Variants in PFKM observed in about 807,000 individuals in gnomAD.
PFKM encodes the protein ATP-dependent 6-phosphofructokinase, muscle type.
Under a neutral mutation model 95.5 loss-of-function variants are expected in PFKM, and 58 were observed. The observed-to-expected ratio is 0.61, with a 90% CI of 0.49 to 0.76. The LOEUF (loss-of-function observed/expected upper bound fraction) is 0.76. PFKM is among the 30% of genes least tolerant of loss of function. PFKM has a pLI of 0.00. For missense variants in PFKM, 678 were observed against 1,005.4 expected (o/e 0.67, Z 4.40); for synonymous variants, 336 against 357.2 (o/e 0.94, Z 0.67).
intron 1 of PFKM, chr12:48,106,212 T>C: frequency 1.5e-6 from 1 of 665,238 alleles, no homozygotes; most frequent in Non-Finnish European, 2.8e-6. Flanking sequence ...CTGCGCGGTG[T>C]GGCGAGGCCC....
At chr12:48,125,161 C>T (rs1454860909) in intron 2 of PFKM, among the ~76,000 whole-genome samples, 3 of 152,210 alleles carry the variant, frequency 2.0e-5, no homozygotes, top group African/African-American at 7.2e-5. Context: ...CCTTTCCAGC[C>T]TAGGAATGGC....
At chr12:48,108,917 C>T (rs1158642422) in intron 3 of PFKM, among the ~76,000 whole-genome samples, 1 of 152,172 alleles carries the variant, frequency 6.6e-6, no homozygotes, top group Non-Finnish European at 1.5e-5. Flanking sequence ...CTTATATTTT[C>T]AGAAGGAACT....
At position 48,106,210 on chromosome 12, in the gene PFKM, T is replaced by G. The variant is rs1378247089; in HGVS notation, c.-10+73T>G. 3 of 670,944 alleles carry G rather than the reference T, an allele frequency of 4.5e-6. No individual in the cohort carries two copies. The African/African-American group carries it at 5.3e-5, about 12-fold the overall frequency. 41.6% of individuals were successfully genotyped at this position (670,944 alleles called of 1,614,324 possible). On this transcript the variant is annotated intron_variant, in intron 1 of 24. Transcript: ENST00000340802. ...AAGGACCAGTGGGGCGCCTGCGCGG[T>G]GTGGCGAGGCCCGAGAAGCGAAGGG...
chr12:48,135,060 G>C (rs1949942253), intron 9 of PFKM, 22 bp downstream of exon 9: 1 of 1,556,964 alleles, frequency 6.4e-7, no homozygotes. Flanking sequence ...TGAAGCCAGA[G>C]AGGCCTTAGA....
At chr12:48,134,394 T>G (rs1268930786) in intron 7 of PFKM, 118 bp downstream of exon 7, 5 of 882,018 alleles carry the variant, frequency 5.7e-6, no homozygotes, top group Non-Finnish European at 5.8e-6. Flanking sequence ...ACATGCTCCT[T>G]GTGGTGTGGT....
intron 2 of PFKM, chr12:48,107,562 T>G: frequency 1.4e-6 from 1 of 716,374 alleles, no homozygotes; most frequent in Non-Finnish European, 2.5e-6. Flanking sequence ...ATTTTAGGGG[T>G]CAACTGACCT....
chr12:48,123,393 A>G (rs1294759620), intron 2 of PFKM, among the ~76,000 whole-genome samples: 2 of 152,192 alleles, frequency 1.3e-5, no homozygotes, highest in Non-Finnish European at 1.5e-5. Flanking sequence ...CAGTTAATCA[A>G]TACAGATCCG....
At chr12:48,139,399 C>A in intron 12 of PFKM, 50 bp downstream of exon 12, 1 of 1,446,416 alleles carries the variant, frequency 6.9e-7, no homozygotes, top group Non-Finnish European at 9.7e-7. Flanking sequence ...GAGGCGTGAA[C>A]GAAGCCAAAG....
At chr12:48,118,906 C>T (rs1476023462), upstream of PFKM, among the ~76,000 whole-genome samples, 2 of 151,940 alleles carry the variant, frequency 1.3e-5, no homozygotes, top group Non-Finnish European at 1.5e-5. Context: ...TTAAACCTCT[C>T]GGCACCTAAT....
chr12:48,132,833 T>G, intron 4 of PFKM, 35 bp from the exon 5 acceptor site: 1 of 1,567,678 alleles, frequency 6.4e-7, no homozygotes, highest in Non-Finnish European at 8.7e-7. Flanking sequence ...TGTTGAGCCC[T>G]GTCTCTGGGG....
chr12:48,108,286 C>CTAAATA, intron 3 of PFKM: 1 of 1,158,992 alleles, frequency 8.6e-7, no homozygotes, highest in Non-Finnish European at 1.2e-6. Flanking sequence ...CGTAGACCTA[C>CTAAATA]TAAAGCTGAA....
intron 17 of PFKM, 46 bp from the exon 18 acceptor site, chr12:48,142,736 A>G: frequency 6.5e-7 from 1 of 1,541,650 alleles, no homozygotes; most frequent in African/African-American, 1.4e-5. Flanking sequence ...GATAAGAATC[A>G]GGCCCCTGAT....
At chr12:48,136,231 T>C (rs1950077505) in intron 10 of PFKM, among the ~76,000 whole-genome samples, 1 of 152,182 alleles carries the variant, frequency 6.6e-6, no homozygotes, top group African/African-American at 2.4e-5. Context: ...ATCTGTCTCT[T>C]TGTCTGTAAT....
Position 48,142,025 on chromosome 12 carries a change from T to G in PFKM, c.1612T>G (p.Phe538Val). The change falls in exon 17 of 23, where the codon TTC becomes GTC. Residue 538 changes from phenylalanine (F) to valine (V), a missense_variant. By Grantham distance (50) the Phe-to-Val change is conservative. Coordinates refer to ENST00000359794, the MANE Select transcript of PFKM (RefSeq NM_000289.6). ...CTCCAACAATGTCCCTGGCTCAGAC[T>G]TCAGCGTTGGGGCTGACACAGCACT... Reference protein sequence around the residue: ...TVSNNVPGSDFSVGADTALNT... With the variant: ...TVSNNVPGSDVSVGADTALNT... 1 of 1,614,170 alleles carries G rather than the reference T, an allele frequency of 6.2e-7. No individual in the cohort carries two copies. The highest frequency in any genetic ancestry group is 8.5e-7 in the Non-Finnish European group (1 of 1,180,012).
intron 3 of PFKM, among the ~76,000 whole-genome samples, chr12:48,113,203 A>G (rs554883060): frequency 1.7e-4 from 26 of 152,306 alleles, no homozygotes; most frequent in Admixed American, 6.5e-4. Flanking sequence ...TAAGGGGTCT[A>G]GAAGCCTGGC....
upstream of PFKM, among the ~76,000 whole-genome samples, chr12:48,116,111 T>G (rs2137686145): frequency 6.6e-6 from 1 of 150,544 alleles, no homozygotes; most frequent in East Asian, 2.0e-4. Context: ...CTTTTTCCTT[T>G]CCCCCCTTCC....
At chr12:48,110,531 G>A (rs891454127) in intron 3 of PFKM, among the ~76,000 whole-genome samples, 4 of 152,120 alleles carry the variant, frequency 2.6e-5, no homozygotes, top group Non-Finnish European at 4.4e-5. Flanking sequence ...AAATGGTGAG[G>A]AACTCATGTC....
chr12:48,107,796 A>G (rs1946826959), intron 2 of PFKM, among the ~76,000 whole-genome samples: 1 of 152,158 alleles, frequency 6.6e-6, no homozygotes, highest in South Asian at 2.1e-4. Context: ...TGTCATTATA[A>G]CTGACACTCC....
At chr12:48,127,340 C>G (rs1565872826) in intron 2 of PFKM, among the ~76,000 whole-genome samples, 1 of 152,176 alleles carries the variant, frequency 6.6e-6, no homozygotes, top group African/African-American at 2.4e-5. Context: ...ATAGTCTCTT[C>G]TGTGTTCACA....
Sources: allele counts gnomAD v4.1 joint callset (sites outside exome capture counted in the v4.1 genomes callset), GRCh38; gene constraint gnomAD v4.1.1; transcripts MANE v1.5; gene names NCBI Gene and HGNC (gene_info 2026-07-23, HGNC 2026-07-21).